The following M1AP variants were observed in gnomAD, a reference collection of about 807,000 sequenced individuals.
M1AP encodes meiosis 1 associated protein.
A neutral mutation model predicts 51.2 loss-of-function variants in M1AP; 39 were observed. The ratio of observed to expected loss-of-function variants is 0.76; its 90% confidence interval spans 0.59 to 1.00. The LOEUF (loss-of-function observed/expected upper bound fraction) is 1.00, where lower values mean the gene tolerates loss of function less well. Ranked by LOEUF, M1AP falls within the 50% of genes least tolerant of loss-of-function variation. M1AP has a pLI of 0.00. For missense variants in M1AP, 545 were observed against 641.2 expected (o/e 0.85, Z 1.62); for synonymous variants, 251 against 249.2 (o/e 1.01, Z -0.07).
chr2:74,632,723 TTTTA>T (rs1682773230), intron 2 of M1AP, among the ~76,000 whole-genome samples: 1 of 152,194 alleles, frequency 6.6e-6, no homozygotes, highest in Non-Finnish European at 1.5e-5. Flanking sequence ...AGGCTTACCC[TTTTA>T]TTTGAGGCTT....
intron 3 of M1AP, 111 bp downstream of exon 3, chr2:74,614,853 T>C (rs1464402202): frequency 8.1e-6 from 8 of 989,824 alleles, no homozygotes; most frequent in African/African-American, 6.5e-5. Flanking sequence ...TTGCTTTGAA[T>C]ATTACATCTA....
intron 1 of M1AP, among the ~76,000 whole-genome samples, chr2:74,644,687 C>T (rs188420650): frequency 6.6e-6 from 1 of 152,114 alleles, no homozygotes; most frequent in Non-Finnish European, 1.5e-5. Flanking sequence ...GTGCTGGATA[C>T]AGCTAGAAAA....
chr2:74,641,036 A>G (rs1162070683), intron 1 of M1AP, among the ~76,000 whole-genome samples: 1 of 152,248 alleles, frequency 6.6e-6, no homozygotes, highest in African/African-American at 2.4e-5. Flanking sequence ...AATGCCTAGC[A>G]TATGTGTGTT....
intron 7 of M1AP, among the ~76,000 whole-genome samples, chr2:74,571,326 A>G (rs1416286194): frequency 2.0e-5 from 3 of 152,222 alleles, no homozygotes; most frequent in African/African-American, 7.2e-5. Flanking sequence ...GGGTGACTAG[A>G]CAATGGCGGT....
intron 4 of M1AP, among the ~76,000 whole-genome samples, chr2:74,589,382 T>C (rs536881494): frequency 6.6e-6 from 1 of 152,344 alleles, no homozygotes; most frequent in Admixed American, 6.5e-5. Context: ...TACACTTGCT[T>C]TGAAGAAGGG....
At chr2:74,597,196 A>G (rs1680394899) in intron 4 of M1AP, among the ~76,000 whole-genome samples, 1 of 152,250 alleles carries the variant, frequency 6.6e-6, no homozygotes, top group East Asian at 1.9e-4. Context: ...TCAAAAAATT[A>G]TTTAACTCAA....
Position 74,578,171 on chromosome 2 carries a change from C to T in M1AP, c.770-1553G>A, listed in dbSNP as rs549127038. Among the ~76,000 whole-genome samples the T allele has an allele frequency of 4.3e-4, 65 of 152,294 alleles. 1 individual carries two copies. The highest frequency in any genetic ancestry group is 1.4e-3 in the African/African-American group (57 of 41,556). On this transcript the variant is annotated intron_variant, in intron 5 of 10. Coordinates refer to ENST00000421985, the MANE Select transcript of M1AP (RefSeq NM_001321739.2). ...CCTAACAGGCCACAGGGGTTGGGGACCCCGATCTAGGAAACTTGAAAAAGA... is the reference window on the plus strand; with the variant it reads ...CCTAACAGGCCACAGGGGTTGGGGATCCCGATCTAGGAAACTTGAAAAAGA...
intron 1 of M1AP, among the ~76,000 whole-genome samples, chr2:74,640,957 T>G (rs1184057958): frequency 6.6e-6 from 1 of 152,274 alleles, no homozygotes; most frequent in Admixed American, 6.5e-5. Context: ...TTTGTTTCTA[T>G]GACTGCCTCT....
At chr2:74,621,945 T>C in intron 2 of M1AP, among the ~76,000 whole-genome samples, 1 of 122,882 alleles carries the variant, frequency 8.1e-6, no homozygotes, top group Non-Finnish European at 1.7e-5. Flanking sequence ...CCACATCTAC[T>C]AAAAAAAAAA....
chr2:74,614,814 T>G (rs1681570143), intron 3 of M1AP, 150 bp downstream of exon 3: 2 of 637,312 alleles, frequency 3.1e-6, no homozygotes, highest in Admixed American at 2.8e-5. Context: ...AAGAGAAACA[T>G]GTCCTCTGCC....
intron 1 of M1AP, 122 bp downstream of exon 1, chr2:74,648,143 G>T: frequency 1.0e-6 from 1 of 970,908 alleles, no homozygotes; most frequent in South Asian, 4.8e-5. Context: ...ACCCGCCACG[G>T]CCAGCGCAAC....
intron 7 of M1AP, among the ~76,000 whole-genome samples, chr2:74,566,297 G>C (rs575514046): frequency 6.6e-6 from 1 of 152,200 alleles, no homozygotes; most frequent in Non-Finnish European, 1.5e-5. Flanking sequence ...GGTCTAGATA[G>C]ATGTGGCAAC....
At chr2:74,639,376 C>T (rs1400690854) in intron 2 of M1AP, among the ~76,000 whole-genome samples, 1 of 152,130 alleles carries the variant, frequency 6.6e-6, no homozygotes, top group Non-Finnish European at 1.5e-5. Context: ...ATGCATAGAA[C>T]CTCTGGAAGT....
intron 7 of M1AP, among the ~76,000 whole-genome samples, chr2:74,564,363 G>A: frequency 6.6e-6 from 1 of 152,286 alleles, no homozygotes; most frequent in East Asian, 1.9e-4. Flanking sequence ...AAGAAAAACA[G>A]GTATGTACCA....
intron 1 of M1AP, among the ~76,000 whole-genome samples, chr2:74,640,595 G>C (rs1440003792): frequency 6.6e-6 from 1 of 152,002 alleles, no homozygotes; most frequent in Non-Finnish European, 1.5e-5. Context: ...CGAGTAGCTA[G>C]GACTACAGGT....
At chr2:74,567,958 C>T (rs1678492763) in intron 7 of M1AP, among the ~76,000 whole-genome samples, 2 of 152,288 alleles carry the variant, frequency 1.3e-5, no homozygotes, top group South Asian at 4.1e-4. Flanking sequence ...AGTGAAAAAT[C>T]AGGGAATGAA....
At chr2:74,563,502 G>C (rs1278101616) in intron 7 of M1AP, among the ~76,000 whole-genome samples, 1 of 150,966 alleles carries the variant, frequency 6.6e-6, no homozygotes, top group Non-Finnish European at 1.5e-5. Context: ...GGGAGGCTGA[G>C]ATAGGAGAAT....
intron 4 of M1AP, among the ~76,000 whole-genome samples, chr2:74,587,970 G>A (rs1271647207): frequency 2.0e-5 from 3 of 152,034 alleles, no homozygotes; most frequent in African/African-American, 7.3e-5. Context: ...AAATTAAAGT[G>A]TGTTTAAAAT....
Position 74,558,774 on chromosome 2 carries a change from G to A in M1AP, c.1535C>T (p.Ser512Phe). 6.2e-7 allele frequency: 1 copy of A among 1,612,356 alleles called. No homozygotes were observed. The highest frequency in any genetic ancestry group is 8.5e-7 in the Non-Finnish European group (1 of 1,179,434). Residue 512 changes from serine (S) to phenylalanine (F), a missense_variant, in exon 11 of 11, where the codon TCT becomes TTT. Coordinates refer to ENST00000421985, the MANE Select transcript of M1AP (RefSeq NM_001321739.2). Reference protein sequence around the residue: ...RASKMPAASKSSSDAFFLPSE... With the variant: ...RASKMPAASKFSSDAFFLPSE... The stretch of plus-strand genomic sequence containing the variant: ...AGGCAGGAAGAAGGCATCTGAGGAA[G>A]ATTTGCTGGCTGCTGGCATCTTGGA...
Sources: allele counts gnomAD v4.1 joint callset (sites outside exome capture counted in the v4.1 genomes callset), GRCh38; gene constraint gnomAD v4.1.1; transcripts MANE v1.5; gene names NCBI Gene and HGNC (gene_info 2026-07-23, HGNC 2026-07-21).